RAD51B: variants seen among roughly 807,000 people sequenced by gnomAD.
RAD51B encodes DNA repair protein RAD51 homolog 2.
A neutral mutation model predicts 42.2 loss-of-function variants in RAD51B; 38 were observed. That is an observed-to-expected ratio of 0.90 (90% confidence interval 0.70 to 1.18). The LOEUF (loss-of-function observed/expected upper bound fraction) is 1.18. Among genes scored for constraint, RAD51B ranks in the 50% most tolerant of loss-of-function variants. The pLI is 0.00. For synonymous variants in RAD51B, 154 were observed against 145.2 expected (o/e 1.06, Z -0.43); for missense variants, 373 against 400.7 (o/e 0.93, Z 0.59).
At chr14:67,864,283 T>A (rs2042255440) in intron 4 of RAD51B, among the ~76,000 whole-genome samples, 1 of 152,240 alleles carries the variant, frequency 6.6e-6, no homozygotes, top group Admixed American at 6.5e-5. Flanking sequence ...TATTATTTCC[T>A]GTCTATACTC....
chr14:68,260,789 A>G (rs1957569), intron 7 of RAD51B, among the ~76,000 whole-genome samples: 69,733 of 152,050 alleles, frequency 0.46, 20,147 homozygotes, highest in African/African-American at 0.82. Flanking sequence ...TGGGGGTAGC[A>G]TTTTCTGCAC....
chr14:68,199,448 G>A (rs1595541733), intron 7 of RAD51B, among the ~76,000 whole-genome samples: 1 of 152,266 alleles, frequency 6.6e-6, no homozygotes, highest in Admixed American at 6.5e-5. Context: ...TCTTTCTTGT[G>A]TTCATGTAAT....
chr14:68,601,260 AAG>A (rs1251559793), intron 10 of RAD51B, among the ~76,000 whole-genome samples: 1 of 151,922 alleles, frequency 6.6e-6, no homozygotes, highest in Non-Finnish European at 1.5e-5. Context: ...GGGTCCTGGC[AAG>A]AGATGGGTGA....
At position 68,435,637 on chromosome 14, in the gene RAD51B, C is replaced by T. The variant is rs957799876; in HGVS notation, c.957+24110C>T. On this transcript the variant is annotated intron_variant, in intron 9 of 10. Coordinates refer to ENST00000471583, the MANE Select transcript of RAD51B (RefSeq NM_133510.4). ...ACAGTGGCTGAACTATCTACATTCC[C>T]ACCAACAGTGTATGAGCATTTTCTT... Among the ~76,000 whole-genome samples, 4 of 152,194 alleles carry T rather than the reference C, an allele frequency of 2.6e-5. No homozygotes were observed. In the South Asian group the frequency reaches 8.3e-4, roughly 32 times the overall value.
chr14:67,882,182 T>C (rs1431172741), intron 5 of RAD51B, among the ~76,000 whole-genome samples: 2 of 152,278 alleles, frequency 1.3e-5, no homozygotes, highest in Admixed American at 6.5e-5. Context: ...TATGTTGCCC[T>C]GGTTGGTCTT....
intron 11 of RAD51B, among the ~76,000 whole-genome samples, chr14:68,680,241 A>G (rs1044011692): frequency 2.0e-5 from 3 of 152,182 alleles, no homozygotes; most frequent in African/African-American, 7.2e-5. Flanking sequence ...GAGTGTGCCA[A>G]TTTCTGTGGT....
At chr14:68,017,403 C>G (rs1417640554) in intron 7 of RAD51B, among the ~76,000 whole-genome samples, 1 of 152,004 alleles carries the variant, frequency 6.6e-6, no homozygotes, top group Non-Finnish European at 1.5e-5. Flanking sequence ...ACCGTGTTGC[C>G]TAGGGTGGTC....
intron 9 of RAD51B, among the ~76,000 whole-genome samples, chr14:68,453,008 A>C (rs1457407484): frequency 1.3e-5 from 2 of 152,162 alleles, no homozygotes; most frequent in Non-Finnish European, 2.9e-5. Context: ...TGTATTGAGT[A>C]GCCTTAAGAG....
chr14:68,158,956 A>C (rs1239450001), intron 7 of RAD51B, among the ~76,000 whole-genome samples: 1 of 152,224 alleles, frequency 6.6e-6, no homozygotes, highest in Non-Finnish European at 1.5e-5. Context: ...TCTTACAAGC[A>C]GACACCAAAG....
intron 7 of RAD51B, among the ~76,000 whole-genome samples, chr14:68,050,964 T>G (rs1033720488): frequency 4.5e-4 from 68 of 151,710 alleles, no homozygotes; most frequent in African/African-American, 1.6e-3. Flanking sequence ...AGGAGAAATA[T>G]TAAAAAGGGA....
intron 11 of RAD51B, among the ~76,000 whole-genome samples, chr14:68,679,299 G>A (rs1454369311): frequency 6.6e-6 from 1 of 152,042 alleles, no homozygotes; most frequent in Non-Finnish European, 1.5e-5. Context: ...AAAACCCCAG[G>A]CTTAAAAAGG....
chr14:68,628,098 A>G (rs2140120481), intron 10 of RAD51B, among the ~76,000 whole-genome samples: 1 of 152,342 alleles, frequency 6.6e-6, no homozygotes, highest in South Asian at 2.1e-4. Context: ...ATCTTCTAGC[A>G]TCCGAAGATG....
chr14:68,637,463 GAA>G (rs1157873313), intron 10 of RAD51B, among the ~76,000 whole-genome samples: 1 of 152,224 alleles, frequency 6.6e-6, no homozygotes. Flanking sequence ...TCTGAGCTTA[GAA>G]ACAGCCAGAG....
intron 7 of RAD51B, among the ~76,000 whole-genome samples, chr14:68,167,437 T>C (rs1425443210): frequency 6.6e-6 from 1 of 152,212 alleles, no homozygotes; most frequent in African/African-American, 2.4e-5. Context: ...ACGTATTTTG[T>C]GTATATCCTT....
chr14:67,837,227 A>C (rs577749529), intron 4 of RAD51B, among the ~76,000 whole-genome samples: 1 of 152,174 alleles, frequency 6.6e-6, no homozygotes, highest in Admixed American at 6.5e-5. Context: ...TGGTGCCAGA[A>C]TCACATGATT....
chr14:68,110,802 A>G (rs1425125662), intron 7 of RAD51B, among the ~76,000 whole-genome samples: 1 of 152,042 alleles, frequency 6.6e-6, no homozygotes, highest in Admixed American at 6.6e-5. Context: ...CCCATGATCT[A>G]TTATGCGATA....
intron 7 of RAD51B, among the ~76,000 whole-genome samples, chr14:67,959,861 C>G (rs1423219368): frequency 6.6e-6 from 1 of 152,246 alleles, no homozygotes; most frequent in East Asian, 1.9e-4. Flanking sequence ...AGGTGGATCA[C>G]TTGCGGTCAG....
At chr14:68,251,838 C>T (rs1358977295) in intron 7 of RAD51B, among the ~76,000 whole-genome samples, 1 of 152,170 alleles carries the variant, frequency 6.6e-6, no homozygotes, top group African/African-American at 2.4e-5. Context: ...TGTAAAAATT[C>T]TCCATTTTGT....
intron 7 of RAD51B, among the ~76,000 whole-genome samples, chr14:67,949,177 T>C (rs2074395383): frequency 6.6e-6 from 1 of 152,126 alleles, no homozygotes; most frequent in Non-Finnish European, 1.5e-5. Context: ...TTGAATCAAT[T>C]GACTCTTCCT....
Sources: allele counts gnomAD v4.1 joint callset (sites outside exome capture counted in the v4.1 genomes callset), GRCh38; gene constraint gnomAD v4.1.1; transcripts MANE v1.5; gene names NCBI Gene and HGNC (gene_info 2026-07-23, HGNC 2026-07-21).